PCDHGB5: variants seen among roughly 807,000 people sequenced by gnomAD.
PCDHGB5 encodes protocadherin gamma-B5.
PCDHGB5 carries 48 observed loss-of-function variants against 62.9 expected under a neutral mutation model. That is an observed-to-expected ratio of 0.76 (90% CI 0.61 to 0.97). PCDHGB5 has a LOEUF of 0.97. Ranked by LOEUF, PCDHGB5 falls within the 50% of genes least tolerant of loss-of-function variation. PCDHGB5 has a pLI of 0.00. For missense variants in PCDHGB5, 1,118 were observed against 1,198.6 expected, an observed-to-expected ratio of 0.93 and a Z score of 0.99; for synonymous variants, 474 against 511.2, an observed-to-expected ratio of 0.93 and a Z score of 0.98.
intron 1 of PCDHGB5, among the ~76,000 whole-genome samples, chr5:141,458,909 T>G (rs548847649): frequency 6.6e-6 from 1 of 152,192 alleles, no homozygotes; most frequent in African/African-American, 2.4e-5. Context: ...TTTTTTCTAT[T>G]TTTTGTGGAG....
Position 141,490,972 on chromosome 5 carries a change from C to G in PCDHGB5, c.2398-3835C>G. 6.2e-7 allele frequency: 1 copy of G among 1,613,912 alleles called. No homozygotes were observed. Among genetic ancestry groups the G allele is most frequent in the Non-Finnish European group, 8.5e-7 (1 of 1,179,922 alleles). Reference sequence around the variant, plus strand: ...AGACTGGGAACACTCAGCCCCCCAGCGTCTCCCTCGCTCTGCTCCTCCTGG... The same window carrying G: ...AGACTGGGAACACTCAGCCCCCCAGGGTCTCCCTCGCTCTGCTCCTCCTGG... On this transcript the variant is annotated intron_variant, in intron 1 of 3. Coordinates refer to ENST00000617380, the MANE Select transcript of PCDHGB5 (RefSeq NM_018925.3). The surrounding 1 kb of genome is among the most constrained non-coding windows in gnomAD (Gnocchi z 5.4).
intron 1 of PCDHGB5, among the ~76,000 whole-genome samples, chr5:141,475,532 T>C (rs1011968434): frequency 6.6e-6 from 1 of 152,228 alleles, no homozygotes; most frequent in East Asian, 1.9e-4. Context: ...AAATGCCTCC[T>C]TACAAGTAGG....
chr5:141,490,374 C>T lies in PCDHGB5; in HGVS notation c.2398-4433C>T, dbSNP rs1452417604. 1.2e-6 allele frequency: 2 copies of T among 1,614,082 alleles called. No homozygotes were observed. Among genetic ancestry groups the T allele is most frequent in the Middle Eastern group, 1.6e-4 (1 of 6,084 alleles). ...GGTTGTTTAATGTGCGAGACCGGGA[C>T]TCAGGTAGAAATGGTGAAGTGAGCC... On this transcript the variant is annotated intron_variant, in intron 1 of 3. Coordinates refer to ENST00000617380, the MANE Select transcript of PCDHGB5 (RefSeq NM_018925.3). This position sits in a 1 kb window ranked among gnomAD's most constrained non-coding sequence, Gnocchi z 5.4.
At chr5:141,447,023 G>GTT (rs5871773) in intron 1 of PCDHGB5, among the ~76,000 whole-genome samples, 2,010 of 151,524 alleles carry the variant, frequency 0.013, 40 homozygotes, top group African/African-American at 0.047. Context: ...GTTTTGTTTT[G>GTT]TTTTTTTTCT....
intron 1 of PCDHGB5, chr5:141,421,621 C>T (rs2154549322): frequency 6.2e-7 from 1 of 1,613,772 alleles, no homozygotes; most frequent in Non-Finnish European, 8.5e-7. Flanking sequence ...TGATAACGCC[C>T]CCAGCTTCCA....
rs114776679 is a variant in PCDHGB5, at chr5:141,400,351, G to A, written c.2224G>A (p.Gly742Arg). The A allele has an allele frequency of 1.1e-3, 1,779 of 1,614,070 alleles. 15 individuals are homozygous for A. The African/African-American group carries it at 0.021, about 19-fold the overall frequency. The change falls in exon 1 of 4, where the codon GGG becomes AGG. Residue 742 changes from glycine (G) to arginine (R), a missense_variant. Coordinates refer to ENST00000617380, the MANE Select transcript of PCDHGB5 (RefSeq NM_018925.3). ...GPVVPPNYSQ[G>R]TLPYSYNLCV... is the part of the protein sequence containing the mutation. ...TGTGGTTCCCCCCAACTACAGTCAG[G>A]GGACTTTGCCTTATTCCTACAACCT...
intron 1 of PCDHGB5, among the ~76,000 whole-genome samples, chr5:141,466,975 A>C (rs769024064): frequency 2.6e-5 from 4 of 151,842 alleles, no homozygotes; most frequent in Non-Finnish European, 5.9e-5. Context: ...CTCACAGCTC[A>C]TCATTTACCT....
chr5:141,414,908 G>A (rs758472270), intron 1 of PCDHGB5: 19 of 1,614,188 alleles, frequency 1.2e-5, no homozygotes, highest in Non-Finnish European at 1.6e-5. Flanking sequence ...GGTTCCACAG[G>A]CGTGGAGCTG....
intron 1 of PCDHGB5, among the ~76,000 whole-genome samples, chr5:141,454,628 A>C (rs1008375225): frequency 1.3e-4 from 19 of 151,334 alleles, no homozygotes; most frequent in African/African-American, 4.4e-4. Context: ...CTGGTCTCGA[A>C]CCCCCAACCT....
chr5:141,419,584 C>G, intron 1 of PCDHGB5: 1 of 1,611,800 alleles, frequency 6.2e-7, no homozygotes. Context: ...CCGCGCTCTT[C>G]GACACAGTGC....
intron 2 of PCDHGB5, among the ~76,000 whole-genome samples, chr5:141,499,689 CTT>C (rs545067566): frequency 7.5e-5 from 9 of 119,852 alleles, no homozygotes; most frequent in African/African-American, 9.3e-5. Flanking sequence ...TAACAGATGA[CTT>C]TTTTTTTTTT....
In PCDHGB5 at chr5:141,485,979, C is replaced by G; in HGVS notation, c.2398-8828C>G. 1 of 1,614,182 alleles carries G rather than the reference C, an allele frequency of 6.2e-7. No individual in the cohort carries two copies. Among genetic ancestry groups the G allele is most frequent in the Non-Finnish European group, 8.5e-7 (1 of 1,180,022 alleles). On this transcript the variant is annotated intron_variant, in intron 1 of 3. Coordinates refer to ENST00000617380, the MANE Select transcript of PCDHGB5 (RefSeq NM_018925.3). The surrounding 1 kb of genome is among the most constrained non-coding windows in gnomAD (Gnocchi z 5.7). ...CTCATCCAGCTCAATGCCTCAGACC[C>G]GGACCTGGGTCCCAGTGGTAACGTC...
rs2099615817 is a variant in PCDHGB5 at position 141,485,564 on chromosome 5, C to G, written c.2398-9243C>G. On this transcript the variant is annotated intron_variant, in intron 1 of 3. Coordinates refer to ENST00000617380, the MANE Select transcript of PCDHGB5 (RefSeq NM_018925.3). This position sits in a 1 kb window ranked among gnomAD's most constrained non-coding sequence, Gnocchi z 5.7. ...GATCGTAGATGTGAATGATCACGCCCCCCGTTTTCCGCGGCAGCAGCTGGA... is the reference window on the plus strand; with the variant it reads ...GATCGTAGATGTGAATGATCACGCCGCCCGTTTTCCGCGGCAGCAGCTGGA... 6.2e-7 allele frequency: 1 copy of G among 1,612,958 alleles called. No individual in the cohort carries two copies. The highest frequency in any genetic ancestry group is 8.5e-7 in the Non-Finnish European group (1 of 1,179,052).
At chr5:141,453,852 T>A (rs905734700) in intron 1 of PCDHGB5, among the ~76,000 whole-genome samples, 5 of 152,164 alleles carry the variant, frequency 3.3e-5, no homozygotes, top group African/African-American at 1.2e-4. Context: ...ACAGAGCACT[T>A]TGAAAATAAC....
intron 1 of PCDHGB5, chr5:141,404,285 A>T (rs1195722797): frequency 1.9e-6 from 3 of 1,614,026 alleles, no homozygotes; most frequent in East Asian, 4.5e-5. Flanking sequence ...AGTGACTGAC[A>T]TCAATGATAA....
chr5:141,449,756 T>C (rs2098654563), intron 1 of PCDHGB5, among the ~76,000 whole-genome samples: 1 of 151,728 alleles, frequency 6.6e-6, no homozygotes, highest in South Asian at 2.1e-4. Flanking sequence ...TTTATGACAT[T>C]TGAGAGTAAG....
chr5:141,399,893 C>G lies in PCDHGB5; in HGVS notation c.1766C>G (p.Ala589Gly), dbSNP rs2093913222. 1.2e-6 allele frequency: 2 copies of G among 1,612,566 alleles called. No homozygotes were observed. The highest frequency in any genetic ancestry group is 1.7e-6 in the Non-Finnish European group (2 of 1,179,796). The change falls in exon 1 of 4, where the codon GCC becomes GGC. Residue 589 changes from alanine (A) to glycine (G), a missense_variant. This residue lies in a region of PCDHGB5 where 1,034 missense variants were observed against 1,029.1 expected (regional missense o/e 1.00). Coordinates refer to ENST00000617380, the MANE Select transcript of PCDHGB5 (RefSeq NM_018925.3). ...EPGYLVTKVV[A>G]VDADSGHNAW... ...GGCTACCTGGTGACCAAGGTAGTGGCCGTGGACGCAGACTCAGGACACAAC... is the reference window on the plus strand; with the variant it reads ...GGCTACCTGGTGACCAAGGTAGTGGGCGTGGACGCAGACTCAGGACACAAC...
At position 141,419,294 on chromosome 5, in the gene PCDHGB5, C is replaced by T. The variant is rs770303087; in HGVS notation, c.2397+18770C>T. ...CATAGCGCAAGTCAGTGCCTCTGAC[C>T]CAGACTTCGGGCTCAACGGCCGTGT... On this transcript the variant is annotated intron_variant, in intron 1 of 3. Transcript: ENST00000617380. The T allele has an allele frequency of 1.9e-6, 3 of 1,614,036 alleles. No homozygotes were observed. Among genetic ancestry groups the T allele is most frequent in the East Asian group, 2.2e-5 (1 of 44,886 alleles).
chr5:141,402,684 A>G (rs2094294341), intron 1 of PCDHGB5, among the ~76,000 whole-genome samples: 1 of 152,144 alleles, frequency 6.6e-6, no homozygotes, highest in African/African-American at 2.4e-5. Context: ...ATCTGATATA[A>G]TGTTACACAT....
Sources: allele counts gnomAD v4.1 joint callset (sites outside exome capture counted in the v4.1 genomes callset), GRCh38; gene constraint gnomAD v4.1.1; regional missense constraint gnomAD v4.1.1; non-coding constraint Gnocchi (gnomAD v3.1); transcripts MANE v1.5; gene names NCBI Gene and HGNC (gene_info 2026-07-23, HGNC 2026-07-21).